CCDC33: variants seen among roughly 807,000 people sequenced by gnomAD.
The protein encoded by CCDC33 is coiled-coil domain-containing protein 33.
A neutral mutation model predicts 91.9 loss-of-function variants in CCDC33; 94 were observed. The observed-to-expected ratio is 1.02, with a 90% CI of 0.87 to 1.21. CCDC33 has a LOEUF of 1.21. CCDC33 is among the 50% of genes most tolerant of loss of function. The pLI is 0.00. For synonymous variants in CCDC33, 396 were observed against 374.5 expected, an observed-to-expected ratio of 1.06 and a Z score of -0.66; for missense variants, 940 against 935.5, an observed-to-expected ratio of 1.00 and a Z score of -0.06.
chr15:74,267,860 G>C (rs2076209064), intron 4 of CCDC33, among the ~76,000 whole-genome samples: 1 of 152,120 alleles, frequency 6.6e-6, no homozygotes, highest in South Asian at 2.1e-4. Flanking sequence ...CCCTCCTCCG[G>C]GCCAGCACTG....
intron 7 of CCDC33, among the ~76,000 whole-genome samples, chr15:74,275,625 G>A (rs1213628120): frequency 6.6e-6 from 1 of 152,078 alleles, no homozygotes; most frequent in Non-Finnish European, 1.5e-5. Context: ...AACGGCTCAT[G>A]GGGGCACTTC....
chr15:74,313,749 G>A (rs925455159), intron 11 of CCDC33, among the ~76,000 whole-genome samples: 16 of 152,124 alleles, frequency 1.1e-4, no homozygotes, highest in Non-Finnish European at 2.9e-5. Flanking sequence ...TACCCTGTCT[G>A]GGCTCTGGGT....
chr15:74,212,373 G>A (rs939633306), upstream of CCDC33: 5 of 152,268 alleles, frequency 3.3e-5, no homozygotes, highest in Non-Finnish European at 5.9e-5. Context: ...GGGCTGTCAG[G>A]GCAAGCCCAG....
At chr15:74,266,038 A>G (rs2076157499) in intron 3 of CCDC33, among the ~76,000 whole-genome samples, 1 of 152,222 alleles carries the variant, frequency 6.6e-6, no homozygotes, top group Admixed American at 6.5e-5. Context: ...GAAAAAGTTT[A>G]TACCAATATT....
chr15:74,288,328 C>T (rs1334946600), intron 10 of CCDC33, among the ~76,000 whole-genome samples: 1 of 152,218 alleles, frequency 6.6e-6, no homozygotes, highest in Non-Finnish European at 1.5e-5. Flanking sequence ...TCTCATTCCT[C>T]TTCCTCTTTG....
chr15:74,259,209 G>T (rs1039608977), intron 2 of CCDC33, among the ~76,000 whole-genome samples: 2 of 151,354 alleles, frequency 1.3e-5, no homozygotes, highest in Non-Finnish European at 3.0e-5. Flanking sequence ...GGGACAGGGA[G>T]GGGGGTCTCT....
chr15:74,241,968 C>T (rs1011925551), intron 1 of CCDC33, among the ~76,000 whole-genome samples: 6 of 152,190 alleles, frequency 3.9e-5, no homozygotes, highest in Non-Finnish European at 5.9e-5. Context: ...GTCCAGAGTT[C>T]GTTAGCTTTG....
In CCDC33 at chr15:74,218,895, G is replaced by A. The variant is rs2074516572; in HGVS notation, c.675+34G>A. ...TTCCCTGGTCCCAGTTCAGGTTCTG[G>A]GCTCACCGGGTACAAGACCCAGCCT... On this transcript the variant is annotated intron_variant, in intron 2 of 2. Transcript: ENST00000635913. This position sits in a 1 kb window ranked among gnomAD's most constrained non-coding sequence, Gnocchi z 4.8. 8.3e-7 allele frequency: 1 copy of A among 1,203,980 alleles called. No homozygotes were observed. Among genetic ancestry groups the A allele is most frequent in the Non-Finnish European group, 1.1e-6 (1 of 948,700 alleles). The allele number at this position is 1,203,980 out of a possible 1,614,324, so 74.6% of individuals were successfully genotyped here.
chr15:74,245,091 G>A (rs1185666902), intron 2 of CCDC33, among the ~76,000 whole-genome samples: 1 of 152,136 alleles, frequency 6.6e-6, no homozygotes, highest in Non-Finnish European at 1.5e-5. Context: ...TCCCTCTTCT[G>A]GAGCTCCACA....
chr15:74,324,487 G>A (rs2060269497), intron 11 of CCDC33, among the ~76,000 whole-genome samples: 1 of 152,010 alleles, frequency 6.6e-6, no homozygotes, highest in South Asian at 2.1e-4. Context: ...CAAGCGGAAG[G>A]TGGTTGTCCT....
chr15:74,206,432 G>C (rs2074263999), intron 1 of CCDC33, among the ~76,000 whole-genome samples: 1 of 152,228 alleles, frequency 6.6e-6, no homozygotes, highest in Non-Finnish European at 1.5e-5. Flanking sequence ...GATGCTACCT[G>C]GGAAGACGGC....
At chr15:74,303,184 G>C (rs913960699) in intron 11 of CCDC33, 1 of 152,458 alleles carries the variant, frequency 6.6e-6, no homozygotes, top group Middle Eastern at 3.4e-3. Context: ...TACCCACTTT[G>C]GTGGCAACAA....
chr15:74,272,430 A>G (rs1265091553), intron 6 of CCDC33, among the ~76,000 whole-genome samples: 6 of 151,990 alleles, frequency 3.9e-5, no homozygotes. Flanking sequence ...AAATTCCCCT[A>G]TGAACGTGTG....
At chr15:74,216,806 C>T (rs1389277186), upstream of CCDC33, among the ~76,000 whole-genome samples, 1 of 151,106 alleles carries the variant, frequency 6.6e-6, no homozygotes, top group Non-Finnish European at 1.5e-5. Flanking sequence ...TACCACGTAC[C>T]CATGAGCTCC....
chr15:74,305,869 C>G (rs1054015436), intron 11 of CCDC33, among the ~76,000 whole-genome samples: 2 of 135,324 alleles, frequency 1.5e-5, no homozygotes, highest in African/African-American at 6.2e-5. Context: ...AGCTGTGTGG[C>G]CTTGAAAAAA....
At chr15:74,253,926 G>C (rs1215208670) in intron 2 of CCDC33, among the ~76,000 whole-genome samples, 1 of 151,954 alleles carries the variant, frequency 6.6e-6, no homozygotes, top group Non-Finnish European at 1.5e-5. Context: ...GTGTTGCCCA[G>C]GCTGGTTCAA....
rs1177340821 is a variant in CCDC33 at position 74,236,753 on chromosome 15, G to T, written c.21+13G>T. 6.2e-7 allele frequency: 1 copy of T among 1,613,612 alleles called. No homozygotes were observed. Among genetic ancestry groups the T allele is most frequent in the Non-Finnish European group, 8.5e-7 (1 of 1,179,650 alleles). ...GAAAAACAAAAAGGTAAGGCCAGGGGCATGGGCCATGCACCTGCATGAATC... is the reference window on the plus strand; with the variant it reads ...GAAAAACAAAAAGGTAAGGCCAGGGTCATGGGCCATGCACCTGCATGAATC... On this transcript the variant is annotated intron_variant, in intron 1 of 18. Coordinates refer to ENST00000398814, the MANE Select transcript of CCDC33 (RefSeq NM_025055.5).
upstream of CCDC33, among the ~76,000 whole-genome samples, chr15:74,235,753 G>A (rs768349516): frequency 1.4e-4 from 22 of 152,146 alleles, no homozygotes; most frequent in South Asian, 4.1e-4. Context: ...TCTTTGGTTC[G>A]TACTCTAGTG....
chr15:74,220,193 A>C (rs1324334420), intron 2 of CCDC33, among the ~76,000 whole-genome samples: 1 of 152,176 alleles, frequency 6.6e-6, no homozygotes, highest in Non-Finnish European at 1.5e-5. Flanking sequence ...TACCAGGATA[A>C]CTACGAGGAT....
Sources: gnomAD v4.1 joint callset for allele counts (sites outside exome capture counted in the v4.1 genomes callset) on GRCh38, gnomAD v4.1.1 for gene constraint, Gnocchi (gnomAD v3.1) non-coding constraint, MANE v1.5 for transcripts, NCBI Gene and HGNC (gene_info 2026-07-23, HGNC 2026-07-21) for gene names.